Variants in PTPRT observed in about 807,000 individuals in gnomAD.
PTPRT encodes the protein protein tyrosine phosphatase receptor type T.
Under a neutral mutation model 176.8 loss-of-function variants are expected in PTPRT, and 56 were observed. That is an observed-to-expected ratio of 0.32 (90% CI 0.26 to 0.40). The LOEUF (loss-of-function observed/expected upper bound fraction) is 0.40. PTPRT is among the 10% of genes least tolerant of loss of function. The pLI is 1.00. For missense variants in PTPRT, 1,540 were observed against 1,908.2 expected (o/e 0.81, Z 3.60); for synonymous variants, 783 against 739.0 (o/e 1.06, Z -0.96).
intron 6 of PTPRT, among the ~76,000 whole-genome samples, chr20:42,740,652 C>A (rs917523231): frequency 6.6e-6 from 1 of 152,242 alleles, no homozygotes; most frequent in Non-Finnish European, 1.5e-5. Context: ...AGTCATGCAT[C>A]TGCCAGAGGG....
At chr20:42,695,265 A>G (rs1600623986) in intron 6 of PTPRT, among the ~76,000 whole-genome samples, 1 of 152,314 alleles carries the variant, frequency 6.6e-6, no homozygotes, top group East Asian at 1.9e-4. Context: ...GTTAGAAATC[A>G]TGCTTTTGAT....
intron 1 of PTPRT, among the ~76,000 whole-genome samples, chr20:42,998,269 C>G (rs542881182): frequency 6.6e-6 from 1 of 152,136 alleles, no homozygotes; most frequent in African/African-American, 2.4e-5. Context: ...CCAGCACCTA[C>G]GTATTCAATT....
chr20:42,498,550 C>G (rs910318580), intron 7 of PTPRT, among the ~76,000 whole-genome samples: 3 of 152,212 alleles, frequency 2.0e-5, no homozygotes. Flanking sequence ...GCCTGAAAAG[C>G]TATCTCTTGC....
At chr20:43,089,235 G>T (rs1874292566) in intron 1 of PTPRT, among the ~76,000 whole-genome samples, 1 of 152,156 alleles carries the variant, frequency 6.6e-6, no homozygotes, top group Admixed American at 6.5e-5. Context: ...GCTAGTACAT[G>T]CTTCACTGAG....
intron 1 of PTPRT, among the ~76,000 whole-genome samples, chr20:42,929,442 G>A (rs1278752754): frequency 6.6e-6 from 1 of 152,092 alleles, no homozygotes; most frequent in Non-Finnish European, 1.5e-5. Flanking sequence ...AATATGAATA[G>A]GAAAAAATAC....
At chr20:42,773,808 G>T (rs1051338543) in intron 4 of PTPRT, among the ~76,000 whole-genome samples, 2 of 152,222 alleles carry the variant, frequency 1.3e-5, no homozygotes, top group African/African-American at 4.8e-5. Flanking sequence ...CCCAGGTGGG[G>T]AGGGAGTGCA....
intron 7 of PTPRT, among the ~76,000 whole-genome samples, chr20:42,526,217 C>T (rs888534960): frequency 8.5e-5 from 13 of 152,122 alleles, no homozygotes; most frequent in Admixed American, 6.5e-5. Context: ...TGTGTTCTAT[C>T]TGGATTTTTT....
At chr20:42,644,593 T>G (rs1211472826) in intron 7 of PTPRT, among the ~76,000 whole-genome samples, 1 of 152,102 alleles carries the variant, frequency 6.6e-6, no homozygotes, top group Non-Finnish European at 1.5e-5. Flanking sequence ...GTGTTTTGCA[T>G]GGAGGGTAAT....
intron 5 of PTPRT, among the ~76,000 whole-genome samples, chr20:42,764,527 A>T (rs2076956897): frequency 6.6e-6 from 1 of 152,226 alleles, no homozygotes; most frequent in Non-Finnish European, 1.5e-5. Flanking sequence ...GTATAGAAGG[A>T]AAGGCTGGAG....
intron 11 of PTPRT, among the ~76,000 whole-genome samples, chr20:42,333,168 C>A (rs996589495): frequency 2.0e-5 from 3 of 151,946 alleles, no homozygotes; most frequent in Non-Finnish European, 2.9e-5. Flanking sequence ...TTTATTTCAA[C>A]CAAAACAATT....
intron 1 of PTPRT, among the ~76,000 whole-genome samples, chr20:42,896,479 T>C (rs1208010540): frequency 6.6e-6 from 1 of 151,912 alleles, no homozygotes; most frequent in Middle Eastern, 3.4e-3. Flanking sequence ...TCACTAAAAA[T>C]ACAAAATTAG....
At position 43,189,612 on chromosome 20, in the gene PTPRT, G is replaced by T; in HGVS notation, c.88+34C>A. The T allele has an allele frequency of 1.6e-6, 2 of 1,215,666 alleles. No homozygotes were observed. Among genetic ancestry groups the T allele is most frequent in the South Asian group, 3.3e-5 (1 of 30,228 alleles). 75.3% of individuals were successfully genotyped at this position (1,215,666 alleles called of 1,614,324 possible). On this transcript the variant is annotated intron_variant, in intron 1 of 30. Coordinates refer to ENST00000373187, the MANE Select transcript of PTPRT (RefSeq NM_007050.6). The surrounding 1 kb of genome is among the most constrained non-coding windows in gnomAD (Gnocchi z 5.0). ...GGCCCGCGCGCATCCAGGAGGGAGC[G>T]GGGAGCCCAGGGGAGCCGGGCGGGC...
intron 2 of PTPRT, among the ~76,000 whole-genome samples, chr20:42,791,808 T>G (rs1006932239): frequency 1.3e-5 from 2 of 152,252 alleles, no homozygotes; most frequent in Admixed American, 6.5e-5. Context: ...AAAGTTTCCT[T>G]GTAGGACGAA....
At chr20:42,812,981 T>C (rs2077722726) in intron 2 of PTPRT, among the ~76,000 whole-genome samples, 1 of 152,204 alleles carries the variant, frequency 6.6e-6, no homozygotes, top group South Asian at 2.1e-4. Flanking sequence ...CTCCTTTAGC[T>C]TTCTTTATGT....
At chr20:42,250,429 C>A (rs184928903) in intron 13 of PTPRT, among the ~76,000 whole-genome samples, 1 of 152,282 alleles carries the variant, frequency 6.6e-6, no homozygotes, top group East Asian at 1.9e-4. Flanking sequence ...TGCTACTACC[C>A]AAAAGCTATG....
the PTPRT span, among the ~76,000 whole-genome samples, chr20:42,038,197 C>A: frequency 2.0e-5 from 3 of 152,084 alleles, no homozygotes; most frequent in Admixed American, 1.3e-4. Flanking sequence ...TGCTTTAATC[C>A]GCCCAGCAAC....
chr20:42,712,097 G>C (rs1395103817), intron 6 of PTPRT, among the ~76,000 whole-genome samples: 1 of 152,134 alleles, frequency 6.6e-6, no homozygotes, highest in Admixed American at 6.5e-5. Context: ...ATGAGACAAA[G>C]GTGATGCAGG....
chr20:42,107,015 G>A, intron 23 of PTPRT, 94 bp from the exon 24 acceptor site: 1 of 1,464,034 alleles, frequency 6.8e-7, no homozygotes. Flanking sequence ...CAAGGGTCCT[G>A]CTGGGAGGCT....
chr20:42,592,037 T>C lies in PTPRT; in HGVS notation c.1153+85829A>G, dbSNP rs1465645397. 2.1e-5 allele frequency among the ~76,000 whole-genome samples: 3 copies of C among 144,854 alleles called. No homozygotes were observed. The South Asian group carries it at 6.6e-4, about 32-fold the overall frequency. On this transcript the variant is annotated intron_variant, in intron 7 of 30. Transcript: ENST00000373187. ...CTCTGTTGCCCAGGCTGGAGTGCAG[T>C]GGCACGATCTCAGCTCACTGCAAGC...
Sources: gnomAD v4.1 joint callset for allele counts (sites outside exome capture counted in the v4.1 genomes callset) on GRCh38, gnomAD v4.1.1 for gene constraint, Gnocchi (gnomAD v3.1) non-coding constraint, MANE v1.5 for transcripts, NCBI Gene and HGNC (gene_info 2026-07-23, HGNC 2026-07-21) for gene names.